Variants in RBFOX1 observed in about 807,000 individuals in gnomAD.
The protein encoded by RBFOX1 is RNA binding protein fox-1 homolog 1.
In RBFOX1, 8 loss-of-function variants were observed where a neutral mutation model predicts 57.7. The observed-to-expected ratio is 0.14, with a 90% confidence interval of 0.08 to 0.25. RBFOX1 has a LOEUF of 0.25. Among genes scored for constraint, RBFOX1 ranks in the 10% least tolerant of loss-of-function variants. The probability of loss-of-function intolerance (pLI) is 1.00; values close to 1 mark genes in which losing one functional copy is unlikely to be tolerated. For missense variants in RBFOX1, 611 were observed against 548.5 expected, an observed-to-expected ratio of 1.11 and a Z score of -1.14; for synonymous variants, 326 against 222.4, an observed-to-expected ratio of 1.47 and a Z score of -4.15.
chr16:7,155,727 A>G (rs1340472686), intron 4 of RBFOX1, among the ~76,000 whole-genome samples: 8 of 114,444 alleles, frequency 7.0e-5, no homozygotes, highest in Middle Eastern at 4.2e-3. Context: ...ATATATATAT[A>G]TATATATATA....
At chr16:7,091,642 G>T (rs569687338) in intron 4 of RBFOX1, among the ~76,000 whole-genome samples, 1 of 152,172 alleles carries the variant, frequency 6.6e-6, no homozygotes. Flanking sequence ...GACAGCTCCA[G>T]TTCTCAGCCT....
At chr16:7,234,012 C>G (rs1206231688) in intron 4 of RBFOX1, among the ~76,000 whole-genome samples, 1 of 152,030 alleles carries the variant, frequency 6.6e-6, no homozygotes, top group Non-Finnish European at 1.5e-5. Flanking sequence ...TCATTTTCAG[C>G]AAAACTGAGA....
intron 4 of RBFOX1, among the ~76,000 whole-genome samples, chr16:7,057,618 C>G (rs191032487): frequency 9.2e-5 from 14 of 152,274 alleles, no homozygotes; most frequent in African/African-American, 2.9e-4. Context: ...TTGGATCTGT[C>G]CAGGGAAGTG....
At chr16:6,762,524 G>T (rs1052727549) in intron 3 of RBFOX1, among the ~76,000 whole-genome samples, 1 of 152,052 alleles carries the variant, frequency 6.6e-6, no homozygotes, top group African/African-American at 2.4e-5. Flanking sequence ...CCTTTACAAG[G>T]TATACGCCCA....
intron 2 of RBFOX1, among the ~76,000 whole-genome samples, chr16:6,365,712 C>T (rs1443262754): frequency 6.6e-6 from 1 of 152,118 alleles, no homozygotes. Context: ...CACTGGAAGC[C>T]AGATTTAGGT....
intron 3 of RBFOX1, among the ~76,000 whole-genome samples, chr16:6,899,133 A>ATG (rs1174087633): frequency 6.6e-6 from 1 of 151,354 alleles, no homozygotes; most frequent in Non-Finnish European, 1.5e-5. Context: ...ATATGTGTAT[A>ATG]TGTGTGTATG....
intron 2 of RBFOX1, among the ~76,000 whole-genome samples, chr16:6,632,234 G>C (rs1473743578): frequency 1.3e-5 from 2 of 151,710 alleles, no homozygotes; most frequent in Non-Finnish European, 2.9e-5. Flanking sequence ...TTTAGAGTCT[G>C]TTTTCCCTGC....
chr16:5,242,489 C>G (rs2062192238), intron 1 of RBFOX1, among the ~76,000 whole-genome samples: 2 of 152,182 alleles, frequency 1.3e-5, no homozygotes, highest in African/African-American at 4.8e-5. Flanking sequence ...TTTTTAGTTT[C>G]TATGGGAATA....
intron 3 of RBFOX1, among the ~76,000 whole-genome samples, chr16:5,724,831 T>C (rs1030167104): frequency 1.3e-5 from 2 of 152,142 alleles, no homozygotes; most frequent in African/African-American, 4.8e-5. Context: ...ATAGATGGTA[T>C]CCCCGCCTTC....
chr16:6,577,459 A>T (rs1014386485), intron 2 of RBFOX1: 20 of 152,134 alleles, frequency 1.3e-4, no homozygotes, highest in Non-Finnish European at 4.4e-5. Flanking sequence ...CCAACTCTCC[A>T]GTTTGTATCA....
At position 6,103,675 on chromosome 16, in the gene RBFOX1, C is replaced by G. The variant is rs182316707; in HGVS notation, c.-127+83683C>G. ...AGAGACAGAAGCAAGAGCCACTGAG[C>G]TAAGGATCTGGGGGTGGGAAATGTG... is the stretch of plus-strand genomic sequence containing the variant. On this transcript the variant is annotated intron_variant, in intron 1 of 15. Transcript: ENST00000550418. Among the ~76,000 whole-genome samples the G allele has an allele frequency of 2.6e-5, 4 of 152,216 alleles. No individual in the cohort carries two copies. In the East Asian group the frequency reaches 5.8e-4, roughly 22 times the overall value.
At chr16:6,528,325 A>G (rs1442966402) in intron 2 of RBFOX1, among the ~76,000 whole-genome samples, 1 of 152,242 alleles carries the variant, frequency 6.6e-6, no homozygotes, top group Non-Finnish European at 1.5e-5. Context: ...TGCCTCACTC[A>G]TTAGAGAATT....
At chr16:7,417,423 C>T (rs564990747) in intron 4 of RBFOX1, among the ~76,000 whole-genome samples, 1 of 150,856 alleles carries the variant, frequency 6.6e-6, no homozygotes, top group Non-Finnish European at 1.5e-5. Context: ...CCCCAGTTTC[C>T]CCAGTGGTAA....
intron 3 of RBFOX1, among the ~76,000 whole-genome samples, chr16:6,936,906 C>G (rs963967268): frequency 2.3e-5 from 3 of 132,838 alleles, no homozygotes; most frequent in African/African-American, 8.7e-5. Flanking sequence ...GTGATGTTCC[C>G]CTTCCTGTGT....
intron 3 of RBFOX1, among the ~76,000 whole-genome samples, chr16:5,785,145 C>T (rs954938874): frequency 2.6e-5 from 4 of 152,156 alleles, no homozygotes; most frequent in Non-Finnish European, 5.9e-5. Context: ...ATTCCCAGGA[C>T]GGGTGTTAAA....
In RBFOX1 at chr16:6,779,876, TA is replaced by T. The variant is rs1181622484; in HGVS notation, c.-16+125227del. 4.1e-4 allele frequency among the ~76,000 whole-genome samples: 15 copies of T among 36,822 alleles called. 3 individuals are homozygous for T. The highest frequency in any genetic ancestry group is 2.9e-3 in the Admixed American group (5 of 1,752). The allele number at this position is 36,822 out of a possible 152,430, so 24.2% of individuals were successfully genotyped here. Reference sequence around the variant, plus strand: ...TTATATATATTTATATATTTATATATATTTATATATATTTATATATATTTAT... The same window carrying T: ...TTATATATATTTATATATTTATATATTTTATATATATTTATATATATTTAT... On this transcript the variant is annotated intron_variant, in intron 3 of 15. Coordinates refer to ENST00000550418, the MANE Select transcript of RBFOX1 (RefSeq NM_018723.4).
intron 4 of RBFOX1, among the ~76,000 whole-genome samples, chr16:7,395,837 G>T (rs942645668): frequency 6.6e-6 from 1 of 152,076 alleles, no homozygotes; most frequent in Non-Finnish European, 1.5e-5. Context: ...AAATTTTCCC[G>T]TCTCTTTGCC....
rs538752966 is a variant in RBFOX1 at position 6,389,080 on chromosome 16, T to C, written c.-64+72023T>C. On this transcript the variant is annotated intron_variant, in intron 2 of 15. Transcript: ENST00000550418. ...TTAGTCTTTTCACCCAGCTTGGCTT[T>C]GCACTTTTGCCAGCTGCAACCAGCA... Among the ~76,000 whole-genome samples, 16 of 152,332 alleles carry C rather than the reference T, an allele frequency of 1.1e-4. No individual in the cohort carries two copies. The East Asian group carries it at 1.3e-3, about 13-fold the overall frequency.
At chr16:7,321,844 C>T (rs2096549278) in intron 4 of RBFOX1, among the ~76,000 whole-genome samples, 1 of 152,186 alleles carries the variant, frequency 6.6e-6, no homozygotes. Flanking sequence ...GAAAATCCCA[C>T]CTGTCAGAGG....
Sources: allele counts gnomAD v4.1 joint callset (sites outside exome capture counted in the v4.1 genomes callset), GRCh38; gene constraint gnomAD v4.1.1; transcripts MANE v1.5; gene names NCBI Gene and HGNC (gene_info 2026-07-23, HGNC 2026-07-21).